PKHD1L1: variants seen among roughly 807,000 people sequenced by gnomAD.
The protein encoded by PKHD1L1 is fibrocystin-L.
PKHD1L1 carries 434 observed loss-of-function variants against 462.9 expected under a neutral mutation model. The observed-to-expected ratio is 0.94, with a 90% CI of 0.87 to 1.02. The LOEUF (loss-of-function observed/expected upper bound fraction) is 1.02. Among genes scored for constraint, PKHD1L1 ranks in the 50% least tolerant of loss-of-function variants. The pLI is 0.00. For missense variants in PKHD1L1, 5,202 were observed against 5,096.1 expected, an observed-to-expected ratio of 1.02 and a Z score of -0.63; for synonymous variants, 1,781 against 1,750.0, an observed-to-expected ratio of 1.02 and a Z score of -0.44.
At chr8:109,400,813 T>G (rs1394844089) in intron 13 of PKHD1L1, among the ~76,000 whole-genome samples, 4 of 152,138 alleles carry the variant, frequency 2.6e-5, no homozygotes, top group African/African-American at 9.7e-5. Context: ...CAAATAATAC[T>G]CTATTGAACA....
At chr8:109,451,600 T>C (rs1816503567) in intron 41 of PKHD1L1, among the ~76,000 whole-genome samples, 3 of 152,200 alleles carry the variant, frequency 2.0e-5, no homozygotes. Flanking sequence ...TTAAACATAC[T>C]CATTATTTGG....
chr8:109,379,322 C>T (rs79000318), intron 2 of PKHD1L1, among the ~76,000 whole-genome samples: 30 of 152,290 alleles, frequency 2.0e-4, no homozygotes, highest in Middle Eastern at 6.8e-3. Context: ...GCACCATCTT[C>T]TGAGAGCTTA....
At chr8:109,515,103 C>T (rs1416210906) in intron 71 of PKHD1L1, 67 bp from the exon 72 acceptor site, 101 of 1,236,630 alleles carry the variant, frequency 8.2e-5, no homozygotes, top group Middle Eastern at 2.5e-4. Context: ...TATTGAAGGA[C>T]GGTTTAAGTG....
Position 109,483,001 on chromosome 8 carries a change from C to G in PKHD1L1, c.9472C>G (p.Leu3158Val), listed in dbSNP as rs1326711321. 6.3e-7 allele frequency: 1 copy of G among 1,590,350 alleles called. No homozygotes were observed. The highest frequency in any genetic ancestry group is 1.4e-5 in the African/African-American group (1 of 73,252). ...TTCTTCTTTAGGGGTGTTTGGTGAG[C>G]TGGATCTTCATGGAATTCCACATTC... is the stretch of plus-strand genomic sequence containing the variant. ...GAKVLGVFGE[L>V]DLHGIPHSIY... The change falls in exon 57 of 78, where the codon CTG (leucine) becomes GTG (valine). Residue 3158 changes from leucine to valine, a missense_variant. This residue lies in a region of PKHD1L1 where 4,497 missense variants were observed against 4,336.8 expected (regional missense o/e 1.04). Transcript: ENST00000378402.
chr8:109,420,618 C>A lies in PKHD1L1; in HGVS notation c.2625C>A (p.Asn875Lys). 12 of 1,609,624 alleles carry A rather than the reference C, an allele frequency of 7.5e-6. No individual in the cohort carries two copies. Among genetic ancestry groups the A allele is most frequent in the Non-Finnish European group, 1.0e-5 (12 of 1,177,800 alleles). The change falls in exon 23 of 78, where the codon AAC (asparagine) becomes AAA (lysine). Residue 875 changes from asparagine to lysine, a missense_variant. This residue lies in a region of PKHD1L1 where 4,497 missense variants were observed against 4,336.8 expected (regional missense o/e 1.04). Transcript: ENST00000378402. The stretch of plus-strand genomic sequence containing the variant: ...AAACAAATGGGCCAACTATGACAAA[C>A]CAATATTCTGTTACCATGACTTCAT... Reference protein sequence around the residue: ...QTKTNGPTMTNQYSVTMTSYN... With the variant: ...QTKTNGPTMTKQYSVTMTSYN...
At chr8:109,367,236 G>T (rs149671089) in intron 2 of PKHD1L1, among the ~76,000 whole-genome samples, 3 of 152,240 alleles carry the variant, frequency 2.0e-5, no homozygotes, top group Admixed American at 6.5e-5. Context: ...AATTTGGAGG[G>T]ACTATATTCA....
chr8:109,435,983 C>T (rs1815386096), intron 29 of PKHD1L1, among the ~76,000 whole-genome samples: 1 of 152,180 alleles, frequency 6.6e-6, no homozygotes, highest in Non-Finnish European at 1.5e-5. Context: ...TCTCCTCTTC[C>T]ACCCACAGAA....
Position 109,486,687 on chromosome 8 carries a change from C to T in PKHD1L1, c.9746C>T (p.Thr3249Met), listed in dbSNP as rs1818544026. The T allele has an allele frequency of 1.9e-6, 3 of 1,612,118 alleles. No individual in the cohort carries two copies. The highest frequency in any genetic ancestry group is 2.2e-5 in the South Asian group (2 of 91,024). ...GTCCCTGGAACTGGTGAGAGCTACA[C>T]GTTAGCAGCTGATGTTGGGATACTG... Reference protein sequence around the residue: ...YHVPGTGESYTLAADVGILSR... With the variant: ...YHVPGTGESYMLAADVGILSR... The change falls in exon 59 of 78, where the codon ACG becomes ATG. Residue 3249 changes from threonine (T) to methionine (M), a missense_variant. Thr to Met is a moderately conservative substitution (Grantham distance 81). Coordinates refer to ENST00000378402, the MANE Select transcript of PKHD1L1 (RefSeq NM_177531.6).
chr8:109,433,283 G>A (rs1815213053), intron 28 of PKHD1L1, 67 bp downstream of exon 28: 1 of 1,175,146 alleles, frequency 8.5e-7, no homozygotes, highest in South Asian at 1.3e-5. Flanking sequence ...TCAAAGGGCA[G>A]TATTACAATT....
chr8:109,391,139 C>A (rs760214170), intron 9 of PKHD1L1, among the ~76,000 whole-genome samples: 1 of 152,162 alleles, frequency 6.6e-6, no homozygotes, highest in Non-Finnish European at 1.5e-5. Context: ...GTATTAAGCA[C>A]TTTACATACA....
intron 77 of PKHD1L1, among the ~76,000 whole-genome samples, chr8:109,528,077 T>C (rs908507656): frequency 3.3e-5 from 5 of 151,978 alleles, no homozygotes; most frequent in Non-Finnish European, 4.4e-5. Context: ...ATTAGAGAGA[T>C]TGATAAAAGG....
chr8:109,369,026 C>T (rs1464700621), intron 2 of PKHD1L1, among the ~76,000 whole-genome samples: 1 of 151,654 alleles, frequency 6.6e-6, no homozygotes, highest in East Asian at 1.9e-4. Flanking sequence ...GTTGCCCAGG[C>T]TGGAGGGCAA....
Position 109,450,993 on chromosome 8 carries a change from C to A in PKHD1L1, c.6194C>A (p.Ala2065Asp). ...PSNNGTGAEQ[A>D]CEVSVVNGKD... ...TTCATAGGCACGGGAGCTGAGCAAG[C>A]CTGTGAAGTGAGTGTGGTTAATGGG... Residue 2065 changes from alanine (A) to aspartate (D), a missense_variant, in exon 41 of 78, where the codon GCC (alanine) becomes GAC (aspartate). Coordinates refer to ENST00000378402, the MANE Select transcript of PKHD1L1 (RefSeq NM_177531.6). 5.0e-6 allele frequency: 8 copies of A among 1,610,728 alleles called. No homozygotes were observed. Among genetic ancestry groups the A allele is most frequent in the Non-Finnish European group, 6.8e-6 (8 of 1,177,666 alleles).
Position 109,493,743 on chromosome 8 carries a change from C to A in PKHD1L1, c.10319C>A (p.Pro3440His), listed in dbSNP as rs752840316. Residue 3440 changes from proline to histidine, a missense_variant, in exon 63 of 78, where the codon CCT (proline) becomes CAT (histidine). By Grantham distance (77) the Pro-to-His change is moderately conservative (BLOSUM62 -2). This residue lies in a region of PKHD1L1 where 4,497 missense variants were observed against 4,336.8 expected (regional missense o/e 1.04). Transcript: ENST00000378402. ...GCAGGATACCGCATTGATGGTGAACCTTGCCCAGGTAAGTCTTTTAAACCA... is the reference window on the plus strand; with the variant it reads ...GCAGGATACCGCATTGATGGTGAACATTGCCCAGGTAAGTCTTTTAAACCA... ...GRAGYRIDGE[P>H]CPGQFNPVEK... The A allele has an allele frequency of 3.8e-6, 6 of 1,597,694 alleles. No individual in the cohort carries two copies. The highest frequency in any genetic ancestry group is 5.1e-6 in the Non-Finnish European group (6 of 1,172,142).
chr8:109,483,594 C>T, intron 57 of PKHD1L1, among the ~76,000 whole-genome samples: 1 of 148,686 alleles, frequency 6.7e-6, no homozygotes, highest in East Asian at 2.0e-4. Flanking sequence ...GACTATTAGT[C>T]ATAAAAATAT....
At chr8:109,429,142 A>AT (rs1036507997) in intron 25 of PKHD1L1, among the ~76,000 whole-genome samples, 198 bp from the exon 26 acceptor site, 1 of 151,920 alleles carries the variant, frequency 6.6e-6, no homozygotes, top group African/African-American at 2.4e-5. Context: ...AATGGTCTTA[A>AT]TTTTTTTTCT....
rs774205653 is a variant in PKHD1L1 at position 109,515,265 on chromosome 8, C to G, written c.11649C>G (p.Ala3883=). ...GTCCAAAAACTACAATATGGAATGCCCAGCAGAAACACTGTGAACTTAATA... is the reference window on the plus strand; with the variant it reads ...GTCCAAAAACTACAATATGGAATGCGCAGCAGAAACACTGTGAACTTAATA... ...LVCPKTTIWN[A]QQKHCELNNH... Residue 3883 remains alanine, a synonymous_variant, in exon 72 of 78, where the codon GCC becomes GCG. Coordinates refer to ENST00000378402, the MANE Select transcript of PKHD1L1 (RefSeq NM_177531.6). 1.2e-6 allele frequency: 2 copies of G among 1,601,956 alleles called. No individual in the cohort carries two copies. The highest frequency in any genetic ancestry group is 1.7e-6 in the Non-Finnish European group (2 of 1,172,872).
chr8:109,445,643 G>C lies in PKHD1L1; in HGVS notation c.5774G>C (p.Arg1925Thr), dbSNP rs769933653. ...TPFLRGIIPS[R>T]GPPGTEIEIT... is the part of the protein sequence containing the mutation. ...TTTCTCAGAGGAATTATCCCAAGCA[G>C]AGGTACTCCAATATCTGCCTTATTA... Residue 1925 changes from arginine to threonine, a missense_variant and splice_region_variant, in exon 38 of 78, where the codon AGA (arginine) becomes ACA (threonine). Around this residue, in one of 3 missense-constraint regions of PKHD1L1, gnomAD observed 4,497 missense variants for 4,336.8 expected, o/e 1.04. Coordinates refer to ENST00000378402, the MANE Select transcript of PKHD1L1 (RefSeq NM_177531.6). The C allele has an allele frequency of 4.4e-6, 7 of 1,599,632 alleles. No individual in the cohort carries two copies. Among genetic ancestry groups the C allele is most frequent in the Non-Finnish European group, 5.1e-6 (6 of 1,169,174 alleles).
chr8:109,413,430 G>A lies in PKHD1L1; in HGVS notation c.2245G>A (p.Ala749Thr), dbSNP rs752036759. The A allele has an allele frequency of 2.6e-6, 4 of 1,532,420 alleles. No homozygotes were observed. Among genetic ancestry groups the A allele is most frequent in the Non-Finnish European group, 3.6e-6 (4 of 1,126,454 alleles). The allele number at this position is 1,532,420 out of a possible 1,614,324, so 94.9% of individuals were successfully genotyped here. ...TCATATTTTTATGTAGTTATGTTTA[G>A]CATACAAAGGATTCCTGGCAAATTA... ...LLFPYNQLCLAYKGFLANYIG... is the reference protein window; with the variant it reads ...LLFPYNQLCLTYKGFLANYIG... The change falls in exon 21 of 78, where the codon GCA (alanine) becomes ACA (threonine). Residue 749 changes from alanine to threonine, a missense_variant. By Grantham distance (58) the Ala-to-Thr change is moderately conservative. Around this residue, in one of 3 missense-constraint regions of PKHD1L1, gnomAD observed 4,497 missense variants for 4,336.8 expected, o/e 1.04. Transcript: ENST00000378402.
Sources: gnomAD v4.1 joint callset for allele counts (sites outside exome capture counted in the v4.1 genomes callset) on GRCh38, gnomAD v4.1.1 for gene constraint, gnomAD v4.1.1 regional missense constraint, MANE v1.5 for transcripts, NCBI Gene and HGNC (gene_info 2026-07-23, HGNC 2026-07-21) for gene names.